SLC7A1: variants seen among roughly 807,000 people sequenced by gnomAD.
SLC7A1 encodes the protein solute carrier family 7 member 1, also known as high affinity cationic amino acid transporter 1.
SLC7A1 carries 10 observed loss-of-function variants against 53.9 expected under a neutral mutation model. The observed-to-expected ratio is 0.19, with a 90% CI of 0.11 to 0.31. SLC7A1 has a LOEUF of 0.31. Among genes scored for constraint, SLC7A1 ranks in the 10% least tolerant of loss-of-function variants. The pLI, the probability that SLC7A1 is intolerant of heterozygous loss-of-function variation, is 1.00. For synonymous variants in SLC7A1, 342 were observed against 338.7 expected, an observed-to-expected ratio of 1.01 and a Z score of -0.11; for missense variants, 525 against 827.2, an observed-to-expected ratio of 0.63 and a Z score of 4.48.
chr13:29,516,797 T>C (rs1305160211), intron 11 of SLC7A1: 1 of 208,148 alleles, frequency 4.8e-6, no homozygotes, highest in African/African-American at 2.3e-5. Flanking sequence ...AGGCAGCACA[T>C]TTCATAAAAC....
intron 1 of SLC7A1, among the ~76,000 whole-genome samples, chr13:29,560,581 A>C (rs1308329744): frequency 6.6e-6 from 1 of 152,082 alleles, no homozygotes; most frequent in Non-Finnish European, 1.5e-5. Flanking sequence ...AGGATTATGT[A>C]CTGTACCTAA....
intron 1 of SLC7A1, among the ~76,000 whole-genome samples, chr13:29,595,055 C>T (rs114917727): frequency 0.072 from 10,949 of 152,138 alleles, 446 homozygotes; most frequent in Middle Eastern, 0.092. Flanking sequence ...CGCCCGCCTA[C>T]GCACCCCGAC....
intron 9 of SLC7A1, 62 bp from the exon 10 acceptor site, chr13:29,517,852 T>G (rs934853578): frequency 7.5e-7 from 1 of 1,333,232 alleles, no homozygotes; most frequent in Non-Finnish European, 1.1e-6. Flanking sequence ...GTGCACCAAC[T>G]CAAGTTCTCA....
At chr13:29,533,076 G>A in intron 3 of SLC7A1, 94 bp from the exon 4 acceptor site, 1 of 1,239,326 alleles carries the variant, frequency 8.1e-7, no homozygotes, top group Non-Finnish European at 1.1e-6. Context: ...CATTGCAGGA[G>A]TCACCGACGG....
chr13:29,536,806 C>T (rs1460460938), intron 2 of SLC7A1, among the ~76,000 whole-genome samples: 1 of 152,232 alleles, frequency 6.6e-6, no homozygotes, highest in African/African-American at 2.4e-5. Context: ...CAAGTGAGGG[C>T]TTTTCGTCAC....
In SLC7A1 at chr13:29,552,222, TACACACACAC is replaced by T. The variant is rs34563180; in HGVS notation, c.-15+1529_-15+1538del. 8.8e-3 allele frequency among the ~76,000 whole-genome samples: 1,283 copies of T among 146,536 alleles called. 10 individuals carry two copies. Among genetic ancestry groups the T allele is most frequent in the African/African-American group, 0.03 (1,188 of 39,784 alleles). Reference sequence around the variant, plus strand: ...GGGAGACAAGTCAGGTGAGGGTCATTACACACACACACACACACACACACACACACACAGA... The same window carrying T: ...GGGAGACAAGTCAGGTGAGGGTCATTACACACACACACACACACACACAGA... On this transcript the variant is annotated intron_variant, in intron 2 of 12. Coordinates refer to ENST00000380752, the MANE Select transcript of SLC7A1 (RefSeq NM_003045.5).
At chr13:29,593,230 C>T (rs57529747) in intron 1 of SLC7A1, among the ~76,000 whole-genome samples, 11,065 of 152,262 alleles carry the variant, frequency 0.073, 460 homozygotes, top group African/African-American at 0.094. Flanking sequence ...ACAGCAACTC[C>T]GATGTGCTTG....
intron 1 of SLC7A1, among the ~76,000 whole-genome samples, chr13:29,570,794 G>A (rs1199469270): frequency 6.6e-6 from 1 of 151,812 alleles, no homozygotes; most frequent in Non-Finnish European, 1.5e-5. Flanking sequence ...GGAGGTAGAG[G>A]TGGCAGTGAG....
rs557066361 is a variant in SLC7A1 at position 29,513,008 on chromosome 13, C to G, written c.*1472G>C. On this transcript the variant is annotated 3_prime_UTR_variant, in exon 13 of 13. Coordinates refer to ENST00000380752, the MANE Select transcript of SLC7A1 (RefSeq NM_003045.5). ...TTTCCCCTGGTGTCCAAAATGCCCACATCCCTCCTCCTCCCCCATCAGCAT... is the reference window on the plus strand; with the variant it reads ...TTTCCCCTGGTGTCCAAAATGCCCAGATCCCTCCTCCTCCCCCATCAGCAT... The G allele has an allele frequency of 1.3e-5, 2 of 152,330 alleles. No homozygotes were observed. The highest frequency in any genetic ancestry group is 4.8e-5 in the African/African-American group (2 of 41,468). 9.4% of individuals were successfully genotyped at this position (152,330 alleles called of 1,614,324 possible).
At position 29,530,527 on chromosome 13, in the gene SLC7A1, C is replaced by T; in HGVS notation, c.704+11G>A. The T allele has an allele frequency of 1.9e-6, 3 of 1,612,494 alleles. No homozygotes were observed. The highest frequency in any genetic ancestry group is 2.5e-6 in the Non-Finnish European group (3 of 1,178,856). ...GTCAACTAAGAAAAATGGTCAGAAG[C>T]AGCAACTCACTTGTTCAAACAGAGA... On this transcript the variant is annotated intron_variant, in intron 5 of 12. Coordinates refer to ENST00000380752, the MANE Select transcript of SLC7A1 (RefSeq NM_003045.5).
At chr13:29,560,517 T>C (rs1016646288) in intron 1 of SLC7A1, among the ~76,000 whole-genome samples, 1 of 151,256 alleles carries the variant, frequency 6.6e-6, no homozygotes, top group Non-Finnish European at 1.5e-5. Context: ...TTACTATGTA[T>C]GTATGTATTA....
intron 1 of SLC7A1, among the ~76,000 whole-genome samples, chr13:29,582,912 C>T (rs753877141): frequency 4.3e-4 from 66 of 152,322 alleles, no homozygotes; most frequent in Non-Finnish European, 6.9e-4. Flanking sequence ...GCTACCTACA[C>T]GCTCTTTAGA....
intron 5 of SLC7A1, among the ~76,000 whole-genome samples, chr13:29,525,359 T>C (rs549237678): frequency 5.8e-4 from 89 of 152,294 alleles, no homozygotes; most frequent in African/African-American, 2.1e-3. Context: ...CCCACCTCTG[T>C]TGCCCCCACT....
At chr13:29,578,354 AC>A (rs986955986) in intron 1 of SLC7A1, among the ~76,000 whole-genome samples, 4 of 152,078 alleles carry the variant, frequency 2.6e-5, no homozygotes, top group African/African-American at 7.2e-5. Flanking sequence ...CCTTACGTGA[AC>A]TCAGTGGCAC....
At chr13:29,541,074 T>C (rs1216530812) in intron 2 of SLC7A1, among the ~76,000 whole-genome samples, 1 of 152,024 alleles carries the variant, frequency 6.6e-6, no homozygotes, top group Non-Finnish European at 1.5e-5. Flanking sequence ...GAGAAGGGGA[T>C]GCTGGCCACG....
At chr13:29,589,118 C>G (rs1474916129) in intron 1 of SLC7A1, among the ~76,000 whole-genome samples, 1 of 152,216 alleles carries the variant, frequency 6.6e-6, no homozygotes, top group African/African-American at 2.4e-5. Context: ...CTGCCCCAGC[C>G]TCTCTGAGAG....
At chr13:29,589,090 C>A (rs1249145024) in intron 1 of SLC7A1, among the ~76,000 whole-genome samples, 1 of 152,142 alleles carries the variant, frequency 6.6e-6, no homozygotes, top group East Asian at 1.9e-4. Flanking sequence ...TTGCTGCAGG[C>A]CCTGGTGTGG....
chr13:29,561,699 C>T (rs941248038), intron 1 of SLC7A1, among the ~76,000 whole-genome samples: 1 of 152,178 alleles, frequency 6.6e-6, no homozygotes, highest in African/African-American at 2.4e-5. Flanking sequence ...AAGACCTCAG[C>T]GTCCCTGGAA....
At chr13:29,592,450 A>G (rs1316573941) in intron 1 of SLC7A1, among the ~76,000 whole-genome samples, 2 of 152,238 alleles carry the variant, frequency 1.3e-5, no homozygotes, top group South Asian at 4.1e-4. Context: ...CCAACACTGC[A>G]CATCTGAACG....
Sources: gnomAD v4.1 joint callset for allele counts (sites outside exome capture counted in the v4.1 genomes callset) on GRCh38, gnomAD v4.1.1 for gene constraint, MANE v1.5 for transcripts, NCBI Gene and HGNC (gene_info 2026-07-23, HGNC 2026-07-21) for gene names.